PSTPIP2: variants seen among roughly 807,000 people sequenced by gnomAD.
PSTPIP2 encodes proline-serine-threonine phosphatase interacting protein 2.
A neutral mutation model predicts 63.3 loss-of-function variants in PSTPIP2; 33 were observed. The observed-to-expected ratio is 0.52, with a 90% CI of 0.40 to 0.70. The LOEUF (loss-of-function observed/expected upper bound fraction) is 0.70, where lower values mean the gene tolerates loss of function less well. Among genes scored for constraint, PSTPIP2 ranks in the 30% least tolerant of loss-of-function variants. PSTPIP2 has a pLI of 0.00. For missense variants in PSTPIP2, 312 were observed against 400.7 expected (o/e 0.78, Z 1.89); for synonymous variants, 125 against 132.7 (o/e 0.94, Z 0.40).
At chr18:46,063,362 A>C (rs777011559) in intron 1 of PSTPIP2, among the ~76,000 whole-genome samples, 1 of 152,178 alleles carries the variant, frequency 6.6e-6, no homozygotes, top group Non-Finnish European at 1.5e-5. Context: ...GTAATAGAAG[A>C]AATCACAAAA....
Position 45,988,740 on chromosome 18 carries a change from C to T in PSTPIP2, c.975G>A (p.Leu325=). Residue 325 remains leucine (L), a synonymous_variant, in exon 14 of 15, where the codon TTG becomes TTA. Transcript: ENST00000409746. ...KSSPDDPNYS[L]VDDYSLLYQ ...GATAGAGCAAACTGTAGTCATCAAC[C>T]AAAGAGTAATTGGGATCATCTGCAA... The T allele has an allele frequency of 1.3e-6, 2 of 1,565,874 alleles. No homozygotes were observed. Among genetic ancestry groups the T allele is most frequent in the Non-Finnish European group, 1.8e-6 (2 of 1,136,560 alleles).
intron 3 of PSTPIP2, among the ~76,000 whole-genome samples, chr18:46,019,672 G>T (rs111681431): frequency 1.3e-5 from 2 of 152,124 alleles, no homozygotes; most frequent in Admixed American, 1.3e-4. Context: ...GTGGTGGCAC[G>T]TGCCGGTAAT....
intron 1 of PSTPIP2, among the ~76,000 whole-genome samples, chr18:46,058,594 C>T (rs907156482): frequency 6.6e-6 from 1 of 152,068 alleles, no homozygotes; most frequent in African/African-American, 2.4e-5. Context: ...CTCCTGACCT[C>T]GTGATCCACC....
Position 45,999,481 on chromosome 18 carries a change from G to A in PSTPIP2, c.471C>T (p.Ala157=), listed in dbSNP as rs373912064. ...TCACCAGGTTGGCACTCCGGCTGAC[G>A]GCCTGTTCTGCCTCATCTTTGTCCC... ...KCRDKDEAEQ[A]VSRSANLVNP... Residue 157 remains alanine, a synonymous_variant, in exon 7 of 15, where the codon GCC becomes GCT. Transcript: ENST00000409746. 1.4e-5 allele frequency: 23 copies of A among 1,614,058 alleles called. No homozygotes were observed. In the South Asian group the frequency reaches 1.4e-4, roughly 10 times the overall value.
chr18:46,065,144 C>CAAAAAAAAAAAAA (rs35144990), intron 1 of PSTPIP2, among the ~76,000 whole-genome samples: 4 of 80,792 alleles, frequency 5.0e-5, no homozygotes, highest in Non-Finnish European at 7.4e-5. Flanking sequence ...AACTCTGTCT[C>CAAAAAAAAAAAAA]AAAAAAAAAA....
chr18:46,009,839 T>C (rs1233328535), intron 5 of PSTPIP2, among the ~76,000 whole-genome samples: 1 of 152,218 alleles, frequency 6.6e-6, no homozygotes, highest in East Asian at 1.9e-4. Flanking sequence ...TGAGCAGTCC[T>C]GGCTATGTCA....
chr18:45,998,645 C>T, intron 8 of PSTPIP2, 149 bp downstream of exon 8: 1 of 786,212 alleles, frequency 1.3e-6, no homozygotes, highest in Non-Finnish European at 2.0e-6. Context: ...TCCTTCCTCC[C>T]TTTTTCCCTT....
chr18:45,985,055 G>A lies in PSTPIP2; in HGVS notation c.*404C>T, dbSNP rs550859056. 17 of 220,296 alleles carry A rather than the reference G, an allele frequency of 7.7e-5. No individual in the cohort carries two copies. The highest frequency in any genetic ancestry group is 2.1e-4 in the African/African-American group (9 of 43,320). The allele number at this position is 220,296 out of a possible 1,614,324, so 13.6% of individuals were successfully genotyped here. On this transcript the variant is annotated 3_prime_UTR_variant, in exon 15 of 15. Coordinates refer to ENST00000409746, the MANE Select transcript of PSTPIP2 (RefSeq NM_024430.4). ...TGCACCACTGAGGCTGTGTGTCGCC[G>A]TGGAAACTCCACAGCCAGGCTGCCC... is the stretch of plus-strand genomic sequence containing the variant.
chr18:46,058,112 C>T (rs1278038429), intron 1 of PSTPIP2, among the ~76,000 whole-genome samples: 1 of 151,812 alleles, frequency 6.6e-6, no homozygotes, highest in Non-Finnish European at 1.5e-5. Context: ...GGCTTGCTAA[C>T]CTGCCATTCC....
At chr18:46,045,886 T>C (rs1411100631) in intron 1 of PSTPIP2, among the ~76,000 whole-genome samples, 1 of 152,190 alleles carries the variant, frequency 6.6e-6, no homozygotes, top group Non-Finnish European at 1.5e-5. Context: ...AGGTTGAGGC[T>C]GTAGTGAGCT....
At chr18:45,990,580 C>G in intron 13 of PSTPIP2, 142 bp downstream of exon 13, 1 of 630,192 alleles carries the variant, frequency 1.6e-6, no homozygotes, top group East Asian at 3.2e-5. Context: ...CAGGCACGCA[C>G]CACCACACCC....
chr18:46,069,776 G>T (rs1909325895), intron 1 of PSTPIP2, among the ~76,000 whole-genome samples: 1 of 152,198 alleles, frequency 6.6e-6, no homozygotes, highest in Non-Finnish European at 1.5e-5. Context: ...GCCTGTGATA[G>T]CTCTTTCCTG....
chr18:46,066,315 A>G (rs1909188435), intron 1 of PSTPIP2, among the ~76,000 whole-genome samples: 1 of 152,152 alleles, frequency 6.6e-6, no homozygotes, highest in African/African-American at 2.4e-5. Context: ...TGACAGAGCA[A>G]GACCCTGTCT....
intron 14 of PSTPIP2, among the ~76,000 whole-genome samples, chr18:45,986,067 G>A (rs752036874): frequency 5.3e-5 from 8 of 152,136 alleles, no homozygotes; most frequent in Admixed American, 1.3e-4. Context: ...ATGAGCCACC[G>A]TACCGGGACC....
chr18:45,991,773 A>G (rs2051535854), intron 12 of PSTPIP2, 129 bp downstream of exon 12: 1 of 896,996 alleles, frequency 1.1e-6, no homozygotes, highest in African/African-American at 1.7e-5. Flanking sequence ...ACTATTTCCA[A>G]AAAGCAAGCA....
Position 46,072,172 on chromosome 18 carries a change from A to T in PSTPIP2, c.17T>A (p.Phe6Tyr), listed in dbSNP as rs1334899091. 2.0e-6 allele frequency: 3 copies of T among 1,535,374 alleles called. No individual in the cohort carries two copies. In the African/African-American group the frequency reaches 4.2e-5, roughly 22 times the overall value. Reference sequence around the variant, plus strand: ...ACGACTTACCCAAAAGTTTCCCTTGAACAGTGAGCGCGTCATCGCAGCGCG... The same window carrying T: ...ACGACTTACCCAAAAGTTTCCCTTGTACAGTGAGCGCGTCATCGCAGCGCG... Reference protein sequence around the residue: MTRSLFKGNFWSADIL... With the variant: MTRSLYKGNFWSADIL... The change falls in exon 1 of 15, where the codon TTC (phenylalanine) becomes TAC (tyrosine). Residue 6 changes from phenylalanine to tyrosine, a missense_variant. Phe to Tyr is a conservative substitution (Grantham distance 22). Transcript: ENST00000409746.
At chr18:46,071,972 C>A (rs1909410422) in intron 1 of PSTPIP2, among the ~76,000 whole-genome samples, 184 bp downstream of exon 1, 1 of 152,184 alleles carries the variant, frequency 6.6e-6, no homozygotes, top group Non-Finnish European at 1.5e-5. Flanking sequence ...GCGTCCGCTC[C>A]AAGTCTGCCC....
chr18:46,002,175 C>A (rs948783358), intron 6 of PSTPIP2, among the ~76,000 whole-genome samples: 1 of 151,930 alleles, frequency 6.6e-6, no homozygotes, highest in African/African-American at 2.4e-5. Flanking sequence ...TTCAGAAGTT[C>A]GATTATATGT....
At position 46,011,188 on chromosome 18, in the gene PSTPIP2, C is replaced by T. The variant is rs551533898; in HGVS notation, c.347G>A (p.Arg116Gln). ...EEFREKQKLQ[R>Q]KKTELIMDAI... ...CACGTATGCAAATCCAACCTTTTTTCGTTGTAGTTTTTGCTTTTCCCTGAA... is the reference window on the plus strand; with the variant it reads ...CACGTATGCAAATCCAACCTTTTTTTGTTGTAGTTTTTGCTTTTCCCTGAA... Residue 116 changes from arginine (R) to glutamine (Q), a missense_variant, in exon 5 of 15, where the codon CGA (arginine) becomes CAA (glutamine). Arg to Gln is a conservative substitution (Grantham distance 43, BLOSUM62 1). Transcript: ENST00000409746. 2.1e-5 allele frequency: 34 copies of T among 1,612,014 alleles called. No homozygotes were observed. The highest frequency in any genetic ancestry group is 1.1e-4 in the South Asian group (10 of 90,994).
Sources: allele counts gnomAD v4.1 joint callset (sites outside exome capture counted in the v4.1 genomes callset), GRCh38; gene constraint gnomAD v4.1.1; transcripts MANE v1.5; gene names NCBI Gene and HGNC (gene_info 2026-07-23, HGNC 2026-07-21).